The following TENT5D variants were observed in gnomAD, a reference collection of about 807,000 sequenced individuals.
TENT5D encodes cancer/testis antigen 112.
For synonymous variants in TENT5D, 103 were observed against 100.6 expected (o/e 1.02, Z -0.15); for missense variants, 191 against 287.0 (o/e 0.67, Z 2.42).
chrX:80,363,953 G>A (rs1210263950), intron 3 of TENT5D, among the ~76,000 whole-genome samples: 1 of 112,362 alleles, frequency 8.9e-6, no homozygotes, highest in Non-Finnish European at 1.9e-5. Context: ...TGTGTGGTGA[G>A]AACACTTGAG....
intron 3 of TENT5D, among the ~76,000 whole-genome samples, chrX:80,346,515 T>G (rs1930064805): frequency 8.9e-6 from 1 of 112,009 alleles, no homozygotes; most frequent in African/African-American, 3.2e-5. Context: ...TGTCATTATC[T>G]TTTATTTTAG....
intron 3 of TENT5D, among the ~76,000 whole-genome samples, chrX:80,355,418 A>G (rs1930263942): frequency 9.0e-6 from 1 of 111,632 alleles, no homozygotes; most frequent in African/African-American, 3.3e-5. Flanking sequence ...CCAGCAGCTA[A>G]CAAGGGATAA....
At chrX:80,396,896 CG>C (rs1931263427) in intron 3 of TENT5D, among the ~76,000 whole-genome samples, 12 of 77,140 alleles carry the variant, frequency 1.6e-4, no homozygotes, top group African/African-American at 2.4e-4. Context: ...GCTGGCCGGG[CG>C]GGGGGCTGAC....
intron 3 of TENT5D, among the ~76,000 whole-genome samples, chrX:80,391,125 A>G: frequency 9.0e-6 from 1 of 111,637 alleles, no homozygotes; most frequent in South Asian, 3.7e-4. Flanking sequence ...CCTTTTATAT[A>G]CCAGCCATGT....
chrX:80,343,466 C>T (rs1376095620), intron 3 of TENT5D, among the ~76,000 whole-genome samples: 2 of 102,596 alleles, frequency 1.9e-5, no homozygotes, highest in African/African-American at 7.2e-5. Context: ...GGCACGATCT[C>T]GGCTCACCGC....
exon 3 of TENT5D, chrX:80,445,195 T>A (rs1259625866): frequency 8.1e-6 from 1 of 122,817 alleles, no homozygotes; most frequent in Non-Finnish European, 1.9e-5. Context: ...CAAGTGGCCA[T>A]CAGTATATTT....
chrX:80,387,406 T>A (rs1017413380), intron 3 of TENT5D, among the ~76,000 whole-genome samples: 3 of 111,958 alleles, frequency 2.7e-5, no homozygotes, highest in African/African-American at 9.8e-5. Flanking sequence ...TCGAAGGAAC[T>A]TGGGTGTTGT....
At chrX:80,429,271 G>A (rs972401933) in intron 1 of TENT5D, among the ~76,000 whole-genome samples, 1 of 111,305 alleles carries the variant, frequency 9.0e-6, no homozygotes, top group Non-Finnish European at 1.9e-5. Context: ...ATTAGCAGGT[G>A]CACCAGGGGA....
At chrX:80,398,435 C>A (rs909120972) in intron 3 of TENT5D, among the ~76,000 whole-genome samples, 1 of 111,479 alleles carries the variant, frequency 9.0e-6, no homozygotes, top group Non-Finnish European at 1.9e-5. Flanking sequence ...TTTTTATTTG[C>A]TTTTGTTACC....
At chrX:80,355,981 C>T (rs896034239) in intron 3 of TENT5D, among the ~76,000 whole-genome samples, 2 of 112,117 alleles carry the variant, frequency 1.8e-5, no homozygotes, top group Non-Finnish European at 3.8e-5. Context: ...GAGGCCAAGG[C>T]AGAGCCACCT....
chrX:80,418,796 G>A (rs1931827737), upstream of TENT5D, among the ~76,000 whole-genome samples: 1 of 111,175 alleles, frequency 9.0e-6, no homozygotes, highest in South Asian at 3.7e-4. Context: ...TAAACATGTA[G>A]TACTTTACAG....
chrX:80,435,085 C>T (rs1428433874), intron 1 of TENT5D, among the ~76,000 whole-genome samples: 1 of 111,216 alleles, frequency 9.0e-6, no homozygotes, highest in African/African-American at 3.3e-5. Flanking sequence ...GCCCAGCCCC[C>T]TTCTGAAACT....
chrX:80,399,917 T>G (rs1247601045), intron 3 of TENT5D, among the ~76,000 whole-genome samples: 1 of 111,972 alleles, frequency 8.9e-6, no homozygotes, highest in East Asian at 2.8e-4. Context: ...AAATCTGTAT[T>G]AGGGCTCTCC....
chrX:80,426,145 G>C (rs1419608071), intron 1 of TENT5D, among the ~76,000 whole-genome samples: 2 of 110,917 alleles, frequency 1.8e-5, no homozygotes, highest in African/African-American at 6.6e-5. Context: ...CTGTTTTCTG[G>C]ATGCTCTAGG....
chrX:80,411,455 A>G (rs1239793624), intron 3 of TENT5D, among the ~76,000 whole-genome samples: 1 of 111,768 alleles, frequency 8.9e-6, no homozygotes, highest in Non-Finnish European at 1.9e-5. Flanking sequence ...GTTTTATTTT[A>G]GGACAAAAAT....
chrX:80,336,638 A>AT (rs1203750132), intron 2 of TENT5D, among the ~76,000 whole-genome samples: 1 of 110,412 alleles, frequency 9.1e-6, no homozygotes, highest in Non-Finnish European at 1.9e-5. Flanking sequence ...GACTCTTAGT[A>AT]TTTTTTTAAC....
intron 3 of TENT5D, among the ~76,000 whole-genome samples, chrX:80,380,477 G>C (rs1196877080): frequency 9.0e-6 from 1 of 111,048 alleles, no homozygotes; most frequent in African/African-American, 3.3e-5. Context: ...TATTACGTCT[G>C]CTTGGTGCTG....
chrX:80,415,610 A>G (rs2147556379), upstream of TENT5D, among the ~76,000 whole-genome samples: 1 of 112,003 alleles, frequency 8.9e-6, no homozygotes, highest in South Asian at 3.7e-4. Context: ...TGATTTGCAT[A>G]TGTTGAACCA....
chrX:80,408,068 A>C (rs1346428197), intron 3 of TENT5D, among the ~76,000 whole-genome samples: 5 of 110,039 alleles, frequency 4.5e-5, no homozygotes, highest in South Asian at 8.2e-4. Flanking sequence ...ACAAAGACAC[A>C]ACATACCAGA....
Sources: gnomAD v4.1 joint callset for allele counts (sites outside exome capture counted in the v4.1 genomes callset) on GRCh38, gnomAD v4.1.1 for gene constraint, MANE v1.5 for transcripts, NCBI Gene and HGNC (gene_info 2026-07-23, HGNC 2026-07-21) for gene names.